Variants in ZNF131 observed in about 807,000 individuals in gnomAD.
The protein encoded by ZNF131 is zinc finger and BTB domain containing 35, also known as zinc finger protein 131.
In ZNF131, 7 loss-of-function variants were observed where a neutral mutation model predicts 60.0. The observed-to-expected ratio is 0.12, with a 90% CI of 0.07 to 0.22. The LOEUF (loss-of-function observed/expected upper bound fraction) is 0.22, where lower values mean the gene tolerates loss of function less well. Among genes scored for constraint, ZNF131 ranks in the 10% least tolerant of loss-of-function variants. The pLI is 1.00. For missense variants in ZNF131, 493 were observed against 740.9 expected (o/e 0.67, Z 3.88); for synonymous variants, 257 against 253.2 (o/e 1.01, Z -0.14).
intron 2 of ZNF131, among the ~76,000 whole-genome samples, chr5:43,122,506 C>T (rs1295701734): frequency 1.3e-5 from 2 of 152,100 alleles, no homozygotes; most frequent in African/African-American, 2.4e-5. Context: ...TGTTGGTAAG[C>T]TTTGAGAAGT....
At chr5:43,142,488 TAGAG>T (rs1293863039) in intron 4 of ZNF131, among the ~76,000 whole-genome samples, 39 of 151,660 alleles carry the variant, frequency 2.6e-4, no homozygotes, top group African/African-American at 8.7e-4. Context: ...GTATTTTTAA[TAGAG>T]AGGGTGTTTC....
chr5:43,173,209 T>G, intron 5 of ZNF131, 109 bp from the exon 6 acceptor site: 1 of 1,147,692 alleles, frequency 8.7e-7, no homozygotes, highest in Non-Finnish European at 1.2e-6. Flanking sequence ...ATTTCTCCTT[T>G]TAGGAATTTA....
rs532056598 is a variant in ZNF131 at position 43,136,085 on chromosome 5, G to A, written c.227-3080G>A. ...AGCCGAGCCTCTGTACTCCAGCTCG[G>A]GCAACAGAGTGAGACTTGGTCTCGA... On this transcript the variant is annotated intron_variant, in intron 3 of 6. Transcript: ENST00000682664. Among the ~76,000 whole-genome samples the A allele has an allele frequency of 2.0e-5, 3 of 152,264 alleles. No homozygotes were observed. In the East Asian group the frequency reaches 5.8e-4, roughly 29 times the overall value.
intron 5 of ZNF131, among the ~76,000 whole-genome samples, chr5:43,167,548 G>A (rs1241454121): frequency 6.6e-6 from 1 of 152,098 alleles, no homozygotes; most frequent in Non-Finnish European, 1.5e-5. Context: ...TTAGTTTAAT[G>A]GTTTGGTTTC....
chr5:43,141,079 C>A (rs1009024603), intron 4 of ZNF131, among the ~76,000 whole-genome samples: 1 of 152,080 alleles, frequency 6.6e-6, no homozygotes, highest in Non-Finnish European at 1.5e-5. Flanking sequence ...CTGAACTGTA[C>A]TCGTCCATAA....
intron 3 of ZNF131, among the ~76,000 whole-genome samples, chr5:43,134,435 T>C (rs1161496401): frequency 6.6e-6 from 1 of 152,194 alleles, no homozygotes; most frequent in Non-Finnish European, 1.5e-5. Context: ...CTTTTTTCTC[T>C]AAGATCAAGG....
Position 43,174,614 on chromosome 5 carries a change from G to C in ZNF131, c.1353G>C (p.Thr451=), listed in dbSNP as rs375685272. The C allele has an allele frequency of 1.2e-6, 2 of 1,613,952 alleles. No individual in the cohort carries two copies. The highest frequency in any genetic ancestry group is 4.5e-5 in the East Asian group (2 of 44,904). The change falls in exon 7 of 7, where the codon ACG becomes ACC. Residue 451 remains threonine (T), a synonymous_variant. Coordinates refer to ENST00000682664, the MANE Select transcript of ZNF131 (RefSeq NM_001330707.2). ...ACAATATTTCAGAGCGTCTAGTAAC[G>C]GAAGAAGTTCTTTCAGTAGAAACAC... ...DAHNISERLV[T]EEVLSVETRV...
chr5:43,175,767 A>G lies in ZNF131; in HGVS notation c.*634A>G. The stretch of plus-strand genomic sequence containing the variant: ...CCATGTGCCTTCTCAAAACCAACTG[A>G]ACTTCTATAAAGCATCTCTGGTTCT... On this transcript the variant is annotated 3_prime_UTR_variant, in exon 7 of 7. Coordinates refer to ENST00000682664, the MANE Select transcript of ZNF131 (RefSeq NM_001330707.2). The G allele has an allele frequency of 3.7e-6, 1 of 270,948 alleles. No individual in the cohort carries two copies. Among genetic ancestry groups the G allele is most frequent in the South Asian group, 5.9e-5 (1 of 17,028 alleles). The allele number at this position is 270,948 out of a possible 1,614,324, so 16.8% of individuals were successfully genotyped here. A position where few individuals can be genotyped will look rare whatever the true frequency, so the allele number is the denominator to read the frequency against.
chr5:43,142,072 T>C (rs1746906840), intron 4 of ZNF131, among the ~76,000 whole-genome samples: 1 of 151,818 alleles, frequency 6.6e-6, no homozygotes, highest in Admixed American at 6.6e-5. Context: ...CTGGGCACGG[T>C]GGCTCACACC....
chr5:43,122,720 G>A (rs1744029616), intron 2 of ZNF131, among the ~76,000 whole-genome samples: 1 of 152,168 alleles, frequency 6.6e-6, no homozygotes, highest in Admixed American at 6.6e-5. Context: ...GCGAAAATAG[G>A]TTTCTCAAGG....
chr5:43,151,351 A>T (rs1170338805), intron 4 of ZNF131, among the ~76,000 whole-genome samples: 2 of 152,202 alleles, frequency 1.3e-5, no homozygotes, highest in African/African-American at 4.8e-5. Flanking sequence ...AGACCTCCAC[A>T]GTCACCCGAG....
intron 3 of ZNF131, among the ~76,000 whole-genome samples, chr5:43,137,884 T>C (rs925525614): frequency 2.0e-5 from 3 of 152,278 alleles, no homozygotes; most frequent in African/African-American, 7.2e-5. Flanking sequence ...TGGAATACTA[T>C]TCAGCTCTTA....
chr5:43,127,875 A>G (rs557058455), intron 3 of ZNF131, among the ~76,000 whole-genome samples: 4 of 152,160 alleles, frequency 2.6e-5, no homozygotes, highest in Non-Finnish European at 5.9e-5. Context: ...TTCTTTTTCT[A>G]CTTCACCTGA....
Position 43,175,477 on chromosome 5 carries a change from T to C in ZNF131, c.*344T>C. 1.4e-6 allele frequency: 1 copy of C among 699,396 alleles called. No individual in the cohort carries two copies. Among genetic ancestry groups the C allele is most frequent in the Non-Finnish European group, 2.6e-6 (1 of 384,318 alleles). The allele number at this position is 699,396 out of a possible 1,614,324, so 43.3% of individuals were successfully genotyped here. A position where few individuals can be genotyped will look rare whatever the true frequency, so the allele number is the denominator to read the frequency against. The stretch of plus-strand genomic sequence containing the variant: ...CCAGGTCATGTTCTTCCTCAAATTT[T>C]TTCCATATTGTAAAATCAAACTTAA... On this transcript the variant is annotated 3_prime_UTR_variant, in exon 7 of 7. Coordinates refer to ENST00000682664, the MANE Select transcript of ZNF131 (RefSeq NM_001330707.2).
intron 4 of ZNF131, among the ~76,000 whole-genome samples, chr5:43,159,573 T>G (rs1157705010): frequency 6.6e-6 from 1 of 151,522 alleles, no homozygotes; most frequent in African/African-American, 2.4e-5. Flanking sequence ...CAGGAGCCTG[T>G]AATCCCAGCT....
At chr5:43,139,386 G>T in intron 4 of ZNF131, 77 bp downstream of exon 4, 1 of 1,350,110 alleles carries the variant, frequency 7.4e-7, no homozygotes, top group Non-Finnish European at 9.7e-7. Flanking sequence ...CTTACAGTAT[G>T]TGTCATGCCA....
chr5:43,122,690 G>A (rs75873195), intron 2 of ZNF131, among the ~76,000 whole-genome samples: 34 of 152,290 alleles, frequency 2.2e-4, no homozygotes, highest in Non-Finnish European at 3.8e-4. Flanking sequence ...GAAATCCAGC[G>A]TGGGTATGTT....
intron 4 of ZNF131, among the ~76,000 whole-genome samples, chr5:43,157,297 C>T (rs1394253503): frequency 6.6e-6 from 1 of 152,216 alleles, no homozygotes. Flanking sequence ...ATGTTCTCCC[C>T]TCATCTCCCA....
chr5:43,159,350 G>A (rs998936255), intron 4 of ZNF131, among the ~76,000 whole-genome samples: 7 of 152,020 alleles, frequency 4.6e-5, no homozygotes, highest in Non-Finnish European at 8.8e-5. Flanking sequence ...AACAGGTGTC[G>A]TCTTTTACTG....
Sources: gnomAD v4.1 joint callset for allele counts (sites outside exome capture counted in the v4.1 genomes callset) on GRCh38, gnomAD v4.1.1 for gene constraint, MANE v1.5 for transcripts, NCBI Gene and HGNC (gene_info 2026-07-23, HGNC 2026-07-21) for gene names.